SLC12A8: variants seen among roughly 807,000 people sequenced by gnomAD.
SLC12A8 encodes cation-chloride cotransporter 9.
SLC12A8 carries 69 observed loss-of-function variants against 75.6 expected under a neutral mutation model. That is an observed-to-expected ratio of 0.91 (90% confidence interval 0.75 to 1.11). The LOEUF (loss-of-function observed/expected upper bound fraction) is 1.11. Ranked by LOEUF, SLC12A8 falls within the 50% of genes most tolerant of loss-of-function variation. SLC12A8 has a pLI of 0.00. For missense variants in SLC12A8, 877 were observed against 896.7 expected (o/e 0.98, Z 0.28); for synonymous variants, 365 against 372.8 (o/e 0.98, Z 0.24).
chr3:125,208,789 C>CAGAGAGAGAG (rs1272180422), intron 2 of SLC12A8, among the ~76,000 whole-genome samples: 143 of 98,498 alleles, frequency 1.5e-3, no homozygotes, highest in Non-Finnish European at 2.5e-3. Flanking sequence ...CACACACACA[C>CAGAGAGAGAG]ACAGAGAGAG....
intron 12 of SLC12A8, among the ~76,000 whole-genome samples, chr3:125,090,198 C>T (rs1371383158): frequency 6.6e-6 from 1 of 152,166 alleles, no homozygotes; most frequent in Admixed American, 6.5e-5. Context: ...TGTGTGCGAA[C>T]TGTGCCTGGC....
chr3:125,188,390 T>C (rs377136619), intron 3 of SLC12A8, among the ~76,000 whole-genome samples: 2 of 152,226 alleles, frequency 1.3e-5, no homozygotes, highest in African/African-American at 4.8e-5. Flanking sequence ...TATTCCTTTA[T>C]AGCAATGTAA....
Position 125,083,888 on chromosome 3 carries a change from A to T in SLC12A8, c.*2T>A. ...CAAAAGAGGAAGGTCCCAGCACTGC[A>T]TCTAGTAGTGAGGCATCAGCTGCTC... On this transcript the variant is annotated 3_prime_UTR_variant, in exon 14 of 14. Transcript: ENST00000469902. 1 of 1,611,672 alleles carries T rather than the reference A, an allele frequency of 6.2e-7. No individual in the cohort carries two copies. The highest frequency in any genetic ancestry group is 1.1e-5 in the South Asian group (1 of 90,354).
intron 13 of SLC12A8, among the ~76,000 whole-genome samples, chr3:125,087,370 G>A (rs1244567649): frequency 6.6e-6 from 1 of 152,076 alleles, no homozygotes; most frequent in African/African-American, 2.4e-5. Context: ...TGAGATTACA[G>A]GCGTAAGCCA....
chr3:125,120,880 G>T (rs982028727), intron 6 of SLC12A8, 194 bp from the exon 7 acceptor site: 1 of 702,264 alleles, frequency 1.4e-6, no homozygotes, highest in African/African-American at 1.7e-5. Flanking sequence ...TGGCGTGAAA[G>T]GCACCTTTGT....
At chr3:125,098,455 T>C (rs1938773318) in intron 10 of SLC12A8, among the ~76,000 whole-genome samples, 2 of 152,128 alleles carry the variant, frequency 1.3e-5, no homozygotes, top group African/African-American at 4.8e-5. Flanking sequence ...AATTAAACAG[T>C]TTTGTGTTTC....
chr3:125,123,059 C>T (rs757388250), intron 6 of SLC12A8, among the ~76,000 whole-genome samples: 30 of 152,146 alleles, frequency 2.0e-4, no homozygotes, highest in Admixed American at 2.6e-4. Flanking sequence ...GTAATCCCAG[C>T]GCTTTGGGAG....
chr3:125,187,123 G>C (rs760084728), intron 4 of SLC12A8, 114 bp downstream of exon 4: 26 of 1,046,724 alleles, frequency 2.5e-5, no homozygotes, highest in Non-Finnish European at 3.7e-5. Flanking sequence ...CTGCTCGTCT[G>C]TCACATGCGG....
intron 10 of SLC12A8, among the ~76,000 whole-genome samples, chr3:125,092,783 C>G (rs540587777): frequency 5.6e-4 from 86 of 152,294 alleles, no homozygotes; most frequent in African/African-American, 2.0e-3. Flanking sequence ...CTGCCTCATC[C>G]TTTCAGGCAC....
chr3:125,193,960 C>T (rs1934956857), intron 2 of SLC12A8, among the ~76,000 whole-genome samples: 1 of 152,190 alleles, frequency 6.6e-6, no homozygotes, highest in African/African-American at 2.4e-5. Flanking sequence ...GGCCCCAGTC[C>T]TCAATTCCAG....
intron 5 of SLC12A8, among the ~76,000 whole-genome samples, chr3:125,161,126 C>T (rs763015188): frequency 2.6e-5 from 4 of 152,180 alleles, no homozygotes; most frequent in African/African-American, 4.8e-5. Context: ...CCTCTTGTCT[C>T]GGCAGGGCTC....
intron 2 of SLC12A8, among the ~76,000 whole-genome samples, chr3:125,204,431 A>G (rs1283651130): frequency 6.6e-6 from 1 of 152,216 alleles, no homozygotes; most frequent in African/African-American, 2.4e-5. Flanking sequence ...ATGTGCAGCA[A>G]CGTGGATGGA....
chr3:125,170,892 G>GC (rs1407697321), intron 5 of SLC12A8, among the ~76,000 whole-genome samples: 3 of 152,232 alleles, frequency 2.0e-5, no homozygotes, highest in Admixed American at 6.5e-5. Flanking sequence ...TCCAGCCTGG[G>GC]TGACAGAGCG....
rs544255897 is a variant in SLC12A8, at chr3:125,177,642, A to G, written c.622+101T>C. On this transcript the variant is annotated intron_variant, in intron 5 of 13. Coordinates refer to ENST00000469902, the MANE Select transcript of SLC12A8 (RefSeq NM_024628.6). ...CTCACACCAATTGTAGGTAAAGCCT[A>G]TGGGGGTTAGGGGGAGATGGGGTGG... The G allele has an allele frequency of 5.6e-5, 49 of 876,962 alleles. No homozygotes were observed. The African/African-American group carries it at 7.3e-4, about 13-fold the overall frequency. The allele number at this position is 876,962 out of a possible 1,614,324, so 54.3% of individuals were successfully genotyped here.
intron 7 of SLC12A8, among the ~76,000 whole-genome samples, chr3:125,120,311 G>C (rs1933018757): frequency 6.9e-6 from 1 of 144,730 alleles, no homozygotes; most frequent in Non-Finnish European, 1.5e-5. Flanking sequence ...GGGGGTGGGG[G>C]AGGGACGGGG....
At chr3:125,146,687 G>A (rs538591422) in intron 5 of SLC12A8, among the ~76,000 whole-genome samples, 21 of 152,330 alleles carry the variant, frequency 1.4e-4, no homozygotes, top group South Asian at 4.1e-4. Flanking sequence ...GGCCTCCCTC[G>A]GAGTGCAGCG....
intron 4 of SLC12A8, among the ~76,000 whole-genome samples, chr3:125,185,850 T>C (rs533906980): frequency 1.3e-5 from 2 of 152,316 alleles, no homozygotes; most frequent in African/African-American, 4.8e-5. Flanking sequence ...GGGACTCTAA[T>C]GTTTGGGACC....
intron 5 of SLC12A8, among the ~76,000 whole-genome samples, chr3:125,138,845 AACACACACACACACACACAC>A (rs3061221): frequency 4.4e-5 from 6 of 137,746 alleles, no homozygotes; most frequent in East Asian, 2.1e-4. Flanking sequence ...CCTTCTACAA[AACACACACACACACACACAC>A]ACACACACAC....
At position 125,088,387 on chromosome 3, in the gene SLC12A8, T is replaced by C. The variant is rs555788660; in HGVS notation, c.1922-17A>G. 3 of 1,613,880 alleles carry C rather than the reference T, an allele frequency of 1.9e-6. No individual in the cohort carries two copies. Among genetic ancestry groups the C allele is most frequent in the African/African-American group, 1.3e-5 (1 of 75,038 alleles). On this transcript the variant is annotated splice_polypyrimidine_tract_variant and intron_variant, in intron 12 of 13. Coordinates refer to ENST00000469902, the MANE Select transcript of SLC12A8 (RefSeq NM_024628.6). ...AGGCTGATCCTGCAGGGAAGACATA[T>C]ACATAACCATTTTTGAAGGTTCTAC...
Sources: gnomAD v4.1 joint callset for allele counts (sites outside exome capture counted in the v4.1 genomes callset) on GRCh38, gnomAD v4.1.1 for gene constraint, MANE v1.5 for transcripts, NCBI Gene and HGNC (gene_info 2026-07-23, HGNC 2026-07-21) for gene names.